The following UBR3 variants were observed in gnomAD, a reference collection of about 807,000 sequenced individuals.
The protein encoded by UBR3 is E3 ubiquitin-protein ligase UBR3.
UBR3 carries 85 observed loss-of-function variants against 243.2 expected under a neutral mutation model. The ratio of observed to expected loss-of-function variants is 0.35; its 90% CI spans 0.29 to 0.42. The LOEUF (loss-of-function observed/expected upper bound fraction) is 0.42, where lower values mean the gene tolerates loss of function less well. Among genes scored for constraint, UBR3 ranks in the 10% least tolerant of loss-of-function variants. The probability of loss-of-function intolerance (pLI) is 1.00; values close to 1 mark genes in which losing one functional copy is unlikely to be tolerated. For missense variants in UBR3, 1,686 were observed against 2,300.8 expected, an observed-to-expected ratio of 0.73 and a Z score of 5.47; for synonymous variants, 748 against 799.8, an observed-to-expected ratio of 0.94 and a Z score of 1.09.
intron 10 of UBR3, among the ~76,000 whole-genome samples, chr2:169,912,782 CT>C (rs373716307): frequency 4.0e-5 from 6 of 148,892 alleles, no homozygotes; most frequent in African/African-American, 9.9e-5. Flanking sequence ...AACTGCCAAG[CT>C]TTTTTTTTTC....
chr2:170,029,740 A>G (rs943992610), intron 31 of UBR3, among the ~76,000 whole-genome samples: 2 of 152,044 alleles, frequency 1.3e-5, no homozygotes, highest in Admixed American at 6.6e-5. Flanking sequence ...TTATGTTACA[A>G]TTAGTGGATT....
chr2:169,987,147 G>A (rs2089043873), intron 25 of UBR3, among the ~76,000 whole-genome samples: 2 of 152,008 alleles, frequency 1.3e-5, no homozygotes, highest in African/African-American at 4.8e-5. Context: ...CCAGCACTTT[G>A]GGAGGCTGAG....
At position 169,927,115 on chromosome 2, in the gene UBR3, G is replaced by A. The variant is rs1372368718; in HGVS notation, c.2338+144G>A. 15 of 1,134,070 alleles carry A rather than the reference G, an allele frequency of 1.3e-5. No individual in the cohort carries two copies. In the East Asian group the frequency reaches 3.6e-4, roughly 27 times the overall value. The allele number at this position is 1,134,070 out of a possible 1,614,324, so 70.3% of individuals were successfully genotyped here. ...TTTCAAACTCTTGATATGTTGTACT[G>A]TAGGTATACCTTTTAGAATATCCTT... On this transcript the variant is annotated intron_variant, in intron 16 of 38. Transcript: ENST00000272793.
chr2:169,842,317 T>C (rs1167955679), intron 1 of UBR3, among the ~76,000 whole-genome samples: 1 of 152,088 alleles, frequency 6.6e-6, no homozygotes, highest in Non-Finnish European at 1.5e-5. Context: ...AACCTTTGTA[T>C]CTAGCTCAGG....
intron 11 of UBR3, among the ~76,000 whole-genome samples, chr2:169,915,013 G>C (rs139490311): frequency 1.3e-5 from 2 of 152,192 alleles, no homozygotes; most frequent in East Asian, 3.9e-4. Context: ...ATGCATTTCA[G>C]TGTTTCCTAC....
At chr2:169,946,236 A>C in intron 20 of UBR3, 52 bp from the exon 21 acceptor site, 1 of 1,069,114 alleles carries the variant, frequency 9.4e-7, no homozygotes, top group Non-Finnish European at 1.3e-6. Flanking sequence ...TCTAAATGAA[A>C]TACCTTTTGT....
chr2:169,844,492 CTTTTT>C (rs71006046), intron 1 of UBR3, among the ~76,000 whole-genome samples: 9 of 111,310 alleles, frequency 8.1e-5, no homozygotes, highest in Non-Finnish European at 9.4e-5. Context: ...AACCCTCTCT[CTTTTT>C]TTTTTTTTTT....
chr2:169,904,477 TAA>T (rs1168714522), intron 8 of UBR3, among the ~76,000 whole-genome samples: 1 of 152,138 alleles, frequency 6.6e-6, no homozygotes, highest in Non-Finnish European at 1.5e-5. Flanking sequence ...TTTTTAATGA[TAA>T]AGATTTCGTA....
chr2:170,006,807 T>C (rs1350712682), intron 27 of UBR3, among the ~76,000 whole-genome samples, 183 bp from the exon 28 acceptor site: 1 of 152,226 alleles, frequency 6.6e-6, no homozygotes, highest in Non-Finnish European at 1.5e-5. Flanking sequence ...GTAATTGCTA[T>C]GATGTAAGAA....
chr2:169,988,112 A>G (rs1229589253), intron 25 of UBR3, among the ~76,000 whole-genome samples: 2 of 152,224 alleles, frequency 1.3e-5, no homozygotes, highest in Non-Finnish European at 2.9e-5. Context: ...GTGTGGAAGT[A>G]TTAACTACTT....
At chr2:170,012,246 T>A in intron 29 of UBR3, among the ~76,000 whole-genome samples, 1 of 152,236 alleles carries the variant, frequency 6.6e-6, no homozygotes, top group Non-Finnish European at 1.5e-5. Context: ...GGGTCAATAC[T>A]GGGTTTAAGG....
chr2:169,958,967 A>G (rs180809050), intron 24 of UBR3, among the ~76,000 whole-genome samples: 8 of 152,288 alleles, frequency 5.3e-5, no homozygotes, highest in Admixed American at 1.3e-4. Context: ...ATTAGAATTT[A>G]TACAGTGAGA....
At chr2:170,045,711 A>G (rs1391067765) in intron 32 of UBR3, among the ~76,000 whole-genome samples, 2 of 152,136 alleles carry the variant, frequency 1.3e-5, no homozygotes, top group Non-Finnish European at 2.9e-5. Context: ...ATGAACCCCC[A>G]TATCAACTCA....
In UBR3 at chr2:169,827,639, C is replaced by A; in HGVS notation, c.132C>A (p.Asn44Lys). The change falls in exon 1 of 39, where the codon AAC becomes AAA. Residue 44 changes from asparagine to lysine, a missense_variant. Asn to Lys is a moderately conservative substitution (Grantham distance 94, BLOSUM62 0). Transcript: ENST00000272793. ...AGGCGGCCCTCAGCCGGCCGGACAACCGCGCAGGTGCTGAGGAGCTGCAGG... is the reference window on the plus strand; with the variant it reads ...AGGCGGCCCTCAGCCGGCCGGACAAACGCGCAGGTGCTGAGGAGCTGCAGG... ...HLKAALSRPD[N>K]RAGAEELQAL... The A allele has an allele frequency of 7.9e-7, 1 of 1,264,712 alleles. No homozygotes were observed. Among genetic ancestry groups the A allele is most frequent in the South Asian group, 2.9e-5 (1 of 34,680 alleles). The allele number at this position is 1,264,712 out of a possible 1,614,324, so 78.3% of individuals were successfully genotyped here.
chr2:170,067,526 C>G (rs1361926696), intron 35 of UBR3, among the ~76,000 whole-genome samples: 5 of 152,076 alleles, frequency 3.3e-5, no homozygotes, highest in Admixed American at 3.3e-4. Flanking sequence ...ACATCTATAA[C>G]TTCTCCAACA....
At chr2:169,989,524 C>T (rs1047097755) in intron 25 of UBR3, among the ~76,000 whole-genome samples, 1 of 152,114 alleles carries the variant, frequency 6.6e-6, no homozygotes. Flanking sequence ...ATGATTACTG[C>T]CTAAATCCAT....
Position 169,909,213 on chromosome 2 carries a change from A to G in UBR3, c.1779+3049A>G, listed in dbSNP as rs116883494. ...TAGGCAGAGATCAGATTATTATTGC[A>G]GGTATTCGCAGATCATGTTAAGTAC... On this transcript the variant is annotated intron_variant, in intron 10 of 38. Coordinates refer to ENST00000272793, the MANE Select transcript of UBR3 (RefSeq NM_172070.4). Among the ~76,000 whole-genome samples the G allele has an allele frequency of 4.8e-3, 737 of 152,278 alleles. 16 individuals are homozygous for G. The East Asian group carries it at 0.056, about 12-fold the overall frequency.
At chr2:170,010,461 T>C (rs759447481) in intron 29 of UBR3, among the ~76,000 whole-genome samples, 20 of 152,198 alleles carry the variant, frequency 1.3e-4, no homozygotes, top group Admixed American at 2.6e-4. Context: ...TAATCTGTCA[T>C]TGGAATTTTC....
intron 1 of UBR3, among the ~76,000 whole-genome samples, chr2:169,831,034 G>A (rs2081913351): frequency 6.9e-6 from 1 of 145,494 alleles, no homozygotes; most frequent in African/African-American, 2.5e-5. Context: ...TAACCTCATG[G>A]TATTTGCTTT....
Sources: gnomAD v4.1 joint callset for allele counts (sites outside exome capture counted in the v4.1 genomes callset) on GRCh38, gnomAD v4.1.1 for gene constraint, MANE v1.5 for transcripts, NCBI Gene and HGNC (gene_info 2026-07-23, HGNC 2026-07-21) for gene names.